KIF26B: variants seen among roughly 807,000 people sequenced by gnomAD.
KIF26B encodes the protein kinesin-like protein KIF26B.
A neutral mutation model predicts 151.2 loss-of-function variants in KIF26B; 63 were observed. The observed-to-expected ratio is 0.42, with a 90% CI of 0.34 to 0.51. KIF26B has a LOEUF of 0.51. KIF26B is among the 20% of genes least tolerant of loss of function. The pLI, the probability that KIF26B is intolerant of heterozygous loss-of-function variation, is 0.07. For synonymous variants in KIF26B, 1,357 were observed against 1,262.1 expected, an observed-to-expected ratio of 1.08 and a Z score of -1.59; for missense variants, 2,813 against 2,913.6, an observed-to-expected ratio of 0.97 and a Z score of 0.79.
At chr1:245,394,156 G>T (rs577799203) in intron 3 of KIF26B, among the ~76,000 whole-genome samples, 1 of 152,224 alleles carries the variant, frequency 6.6e-6, no homozygotes, top group African/African-American at 2.4e-5. Context: ...ACCTGTCTTG[G>T]CTCCAGCTGT....
At chr1:245,184,050 G>GTTGT (rs1553332271) in intron 2 of KIF26B, among the ~76,000 whole-genome samples, 4 of 19,802 alleles carry the variant, frequency 2.0e-4, no homozygotes, top group African/African-American at 4.5e-4. Flanking sequence ...GGGAGTTGTT[G>GTTGT]TTTTTTTTTT....
At chr1:245,283,493 G>A (rs1033276874) in intron 2 of KIF26B, among the ~76,000 whole-genome samples, 1 of 152,130 alleles carries the variant, frequency 6.6e-6, no homozygotes. Flanking sequence ...GGAAAACCTT[G>A]CTGGCTCTGG....
intron 4 of KIF26B, among the ~76,000 whole-genome samples, chr1:245,527,053 G>A (rs530232821): frequency 5.4e-4 from 82 of 152,334 alleles, no homozygotes; most frequent in Non-Finnish European, 8.5e-4. Context: ...CGGGCTCTCT[G>A]TTTATGGTAG....
intron 2 of KIF26B, among the ~76,000 whole-genome samples, chr1:245,183,743 A>G (rs1397832855): frequency 1.3e-5 from 2 of 152,112 alleles, no homozygotes; most frequent in African/African-American, 4.8e-5. Flanking sequence ...GATGGACTCC[A>G]GGGCCTTGGC....
Position 245,688,074 on chromosome 1 carries a change from G to C in KIF26B, c.5091G>C (p.Ala1697=), listed in dbSNP as rs193077490. ...SLSSVSSRLH[A]GKDGTMPRAG... is the part of the protein sequence containing the mutation. ...CCTCCGTGAGCTCCCGGCTGCACGC[G>C]GGCAAGGACGGCACCATGCCCCGCG... Residue 1697 remains alanine, a synonymous_variant, in exon 12 of 15, where the codon GCG becomes GCC. Coordinates refer to ENST00000407071, the MANE Select transcript of KIF26B (RefSeq NM_018012.4). The C allele has an allele frequency of 6.4e-7, 1 of 1,552,022 alleles. No individual in the cohort carries two copies. Among genetic ancestry groups the C allele is most frequent in the African/African-American group, 1.4e-5 (1 of 73,362 alleles).
At chr1:245,407,403 CT>C (rs1037296285) in intron 3 of KIF26B, among the ~76,000 whole-genome samples, 2 of 151,878 alleles carry the variant, frequency 1.3e-5, no homozygotes, top group Admixed American at 1.3e-4. Flanking sequence ...TCTCTCCCCG[CT>C]TCCCATCTCT....
Position 245,495,473 on chromosome 1 carries a change from A to G in KIF26B, c.1167-45294A>G, listed in dbSNP as rs1660493877. ...AGCATATCTATCAACTCAAACATTT[A>G]TCATGTCTTTGTGTTGTGGACATTG... is the stretch of plus-strand genomic sequence containing the variant. On this transcript the variant is annotated intron_variant, in intron 4 of 14. Coordinates refer to ENST00000407071, the MANE Select transcript of KIF26B (RefSeq NM_018012.4). This position sits in a 1 kb window ranked among gnomAD's most constrained non-coding sequence, Gnocchi z 4.2. 6.6e-6 allele frequency among the ~76,000 whole-genome samples: 1 copy of G among 152,230 alleles called. No individual in the cohort carries two copies. The highest frequency in any genetic ancestry group is 2.4e-5 in the African/African-American group (1 of 41,470).
intron 5 of KIF26B, among the ~76,000 whole-genome samples, chr1:245,562,006 C>A (rs565914769): frequency 6.6e-6 from 1 of 152,122 alleles, no homozygotes; most frequent in Non-Finnish European, 1.5e-5. Flanking sequence ...CTCCCAGGGC[C>A]GTTGCGGATT....
intron 5 of KIF26B, among the ~76,000 whole-genome samples, chr1:245,592,829 A>C (rs889765709): frequency 4.1e-4 from 62 of 152,218 alleles, no homozygotes; most frequent in Admixed American, 2.9e-3. Context: ...AACTGTGCTC[A>C]GAGTCTCTGG....
In KIF26B at chr1:245,698,804, C is replaced by T. The variant is rs1005296844; in HGVS notation, c.6028-83C>T. The T allele has an allele frequency of 3.3e-6, 5 of 1,510,242 alleles. No individual in the cohort carries two copies. The highest frequency in any genetic ancestry group is 1.4e-5 in the African/African-American group (1 of 72,300). 93.6% of individuals were successfully genotyped at this position (1,510,242 alleles called of 1,614,324 possible). A position where few individuals can be genotyped will look rare whatever the true frequency, so the allele number is the denominator to read the frequency against. On this transcript the variant is annotated intron_variant, in intron 13 of 14. Transcript: ENST00000407071. The surrounding 1 kb of genome is among the most constrained non-coding windows in gnomAD (Gnocchi z 4.0). ...ACGTCTCCAAGCCCAGCCTGTTTTC[C>T]ATCAACGATACTCACAGGTGCTCCT... is the stretch of plus-strand genomic sequence containing the variant.
intron 2 of KIF26B, among the ~76,000 whole-genome samples, chr1:245,356,168 C>T (rs1463031512): frequency 1.3e-5 from 2 of 152,066 alleles, no homozygotes; most frequent in South Asian, 2.1e-4. Flanking sequence ...ACACACGAGC[C>T]CTCCCAGTAC....
intron 9 of KIF26B, among the ~76,000 whole-genome samples, chr1:245,642,328 C>T (rs895351142): frequency 2.0e-5 from 3 of 152,086 alleles, no homozygotes; most frequent in Non-Finnish European, 2.9e-5. Flanking sequence ...ATGTGTTACT[C>T]AGCAAGTCTC....
chr1:245,457,007 A>T (rs1659547691), intron 4 of KIF26B, among the ~76,000 whole-genome samples: 1 of 152,212 alleles, frequency 6.6e-6, no homozygotes, highest in African/African-American at 2.4e-5. Context: ...CTGGGACCAC[A>T]GCTGCATGCT....
At chr1:245,208,915 T>C (rs956839136) in intron 2 of KIF26B, among the ~76,000 whole-genome samples, 3 of 152,204 alleles carry the variant, frequency 2.0e-5, no homozygotes, top group Admixed American at 6.5e-5. Flanking sequence ...GTTTAAACAC[T>C]GTGTGGCCAT....
chr1:245,432,321 T>A (rs1658800770), intron 4 of KIF26B, among the ~76,000 whole-genome samples: 1 of 152,230 alleles, frequency 6.6e-6, no homozygotes, highest in East Asian at 1.9e-4. Flanking sequence ...TTTCGGGGGA[T>A]AGCATTGTAA....
At chr1:245,591,971 A>G (rs1382283148) in intron 5 of KIF26B, among the ~76,000 whole-genome samples, 3 of 152,174 alleles carry the variant, frequency 2.0e-5, no homozygotes, top group African/African-American at 7.2e-5. Flanking sequence ...TCCAGCGCGC[A>G]GTCCCTTGCC....
chr1:245,225,851 C>T (rs933090369), intron 2 of KIF26B, among the ~76,000 whole-genome samples: 2 of 152,162 alleles, frequency 1.3e-5, no homozygotes, highest in East Asian at 1.9e-4. Flanking sequence ...ACTGATCAAA[C>T]GTCATGCTGA....
chr1:245,395,936 AG>A (rs1196270071), intron 3 of KIF26B, among the ~76,000 whole-genome samples: 23 of 152,056 alleles, frequency 1.5e-4, no homozygotes, highest in Admixed American at 1.2e-3. Context: ...TCTGTAGAAC[AG>A]GGGGGGAAAT....
At chr1:245,509,151 G>A (rs1660781762) in intron 4 of KIF26B, among the ~76,000 whole-genome samples, 1 of 152,182 alleles carries the variant, frequency 6.6e-6, no homozygotes, top group African/African-American at 2.4e-5. Context: ...ATGTAATGAT[G>A]ACTGAGAGAT....
Sources: allele counts gnomAD v4.1 joint callset (sites outside exome capture counted in the v4.1 genomes callset), GRCh38; gene constraint gnomAD v4.1.1; non-coding constraint Gnocchi (gnomAD v3.1); transcripts MANE v1.5; gene names NCBI Gene and HGNC (gene_info 2026-07-23, HGNC 2026-07-21).